Variants in PRCP observed in about 807,000 individuals in gnomAD.
PRCP encodes the protein prolylcarboxypeptidase.
Under a neutral mutation model 54.2 loss-of-function variants are expected in PRCP, and 46 were observed. That is an observed-to-expected ratio of 0.85 (90% confidence interval 0.67 to 1.09). The LOEUF is 1.09. Ranked by LOEUF, PRCP falls within the 50% of genes least tolerant of loss-of-function variation. PRCP has a pLI of 0.00. For missense variants in PRCP, 613 were observed against 596.8 expected, an observed-to-expected ratio of 1.03 and a Z score of -0.28; for synonymous variants, 240 against 212.2, an observed-to-expected ratio of 1.13 and a Z score of -1.14.
intron 1 of PRCP, among the ~76,000 whole-genome samples, chr11:82,881,428 C>T (rs1859745103): frequency 6.6e-6 from 1 of 152,136 alleles, no homozygotes; most frequent in African/African-American, 2.4e-5. Flanking sequence ...ATGCTACAGA[C>T]AGTAAGGACT....
intron 1 of PRCP, among the ~76,000 whole-genome samples, chr11:82,881,914 C>T (rs1161920306): frequency 1.3e-5 from 2 of 152,144 alleles, no homozygotes; most frequent in African/African-American, 4.8e-5. Flanking sequence ...ATAGAACATA[C>T]TATTGACCAG....
intron 1 of PRCP, among the ~76,000 whole-genome samples, chr11:82,891,443 C>A (rs1445234756): frequency 6.6e-6 from 1 of 152,218 alleles, no homozygotes; most frequent in Non-Finnish European, 1.5e-5. Context: ...CAAAGTGTTT[C>A]TTAAGATTTA....
intron 6 of PRCP, among the ~76,000 whole-genome samples, chr11:82,846,407 T>C (rs367980769): frequency 3.3e-5 from 5 of 151,678 alleles, no homozygotes. Context: ...TAGGATGAAA[T>C]TGGAAACAGA....
chr11:82,867,345 A>T (rs1403502820), intron 1 of PRCP, among the ~76,000 whole-genome samples: 1 of 152,090 alleles, frequency 6.6e-6, no homozygotes, highest in East Asian at 1.9e-4. Context: ...GGAATTGCTA[A>T]GTTATCAAAA....
intron 5 of PRCP, among the ~76,000 whole-genome samples, chr11:82,849,528 A>G (rs914718998): frequency 7.2e-5 from 11 of 152,242 alleles, no homozygotes; most frequent in Non-Finnish European, 1.3e-4. Flanking sequence ...TCTATCAAAC[A>G]GTGCTAAGCA....
In PRCP at chr11:82,900,406, T is replaced by A. The variant is rs774477101; in HGVS notation, c.-4A>T. On this transcript the variant is annotated 5_prime_UTR_variant, in exon 1 of 9. Coordinates refer to ENST00000313010, the MANE Select transcript of PRCP (RefSeq NM_005040.4). Reference sequence around the variant, plus strand: ...GCAGGAGGGCTCGGCGGCCCATGGCTCAGGCTGGAGACTGCAGTGCGGGTG... The same window carrying A: ...GCAGGAGGGCTCGGCGGCCCATGGCACAGGCTGGAGACTGCAGTGCGGGTG... 1 of 1,613,022 alleles carries A rather than the reference T, an allele frequency of 6.2e-7. No individual in the cohort carries two copies. Among genetic ancestry groups the A allele is most frequent in the East Asian group, 2.2e-5 (1 of 44,882 alleles).
intron 2 of PRCP, among the ~76,000 whole-genome samples, chr11:82,854,108 T>C (rs746306778): frequency 9.2e-5 from 14 of 152,260 alleles, no homozygotes; most frequent in Non-Finnish European, 1.8e-4. Flanking sequence ...GCAAGCATGC[T>C]CTGTCTCAGC....
intron 8 of PRCP, chr11:82,830,932 C>G (rs1487232204): frequency 2.0e-5 from 3 of 150,672 alleles, no homozygotes; most frequent in East Asian, 1.9e-4. Flanking sequence ...TCTGAAATAG[C>G]CTAGTGGCTT....
At chr11:82,867,329 A>C (rs1859361974) in intron 1 of PRCP, among the ~76,000 whole-genome samples, 1 of 152,236 alleles carries the variant, frequency 6.6e-6, no homozygotes, top group Admixed American at 6.5e-5. Flanking sequence ...TCCTGGGCCC[A>C]GAGGGGGAAT....
chr11:82,900,012 A>G (rs1591080323), intron 1 of PRCP: 2 of 571,008 alleles, frequency 3.5e-6, no homozygotes, highest in Non-Finnish European at 6.1e-6. Context: ...GCCTGAATCA[A>G]GAGTATGCAG....
intron 1 of PRCP, among the ~76,000 whole-genome samples, chr11:82,881,023 T>C (rs1303404199): frequency 6.6e-6 from 1 of 152,214 alleles, no homozygotes; most frequent in Non-Finnish European, 1.5e-5. Flanking sequence ...TGCAACACTT[T>C]ATACTCATAG....
At chr11:82,872,209 C>T (rs1859497622) in intron 1 of PRCP, among the ~76,000 whole-genome samples, 1 of 152,186 alleles carries the variant, frequency 6.6e-6, no homozygotes, top group South Asian at 2.1e-4. Flanking sequence ...CTGGCATCTA[C>T]TGGGGGTCTT....
chr11:82,882,854 A>AACACACACACACAC (rs3222274), intron 1 of PRCP, among the ~76,000 whole-genome samples: 23 of 72,002 alleles, frequency 3.2e-4, no homozygotes, highest in Non-Finnish European at 5.3e-4. Context: ...CTACCTGTGC[A>AACACACACACACAC]ACACACACAC....
chr11:82,853,468 C>T (rs929902775), intron 2 of PRCP, among the ~76,000 whole-genome samples, 190 bp from the exon 3 acceptor site: 1 of 152,190 alleles, frequency 6.6e-6, no homozygotes, highest in South Asian at 2.1e-4. Context: ...CAATCTCACA[C>T]TTTATGAGTG....
In PRCP at chr11:82,849,181, T is replaced by C. The variant is rs1858884262; in HGVS notation, c.789A>G (p.Leu263=). The C allele has an allele frequency of 1.2e-6, 2 of 1,614,086 alleles. No homozygotes were observed. The highest frequency in any genetic ancestry group is 2.2e-5 in the East Asian group (1 of 44,888). Residue 263 remains leucine (L), a synonymous_variant, in exon 6 of 9, where the codon TTA becomes TTG. Coordinates refer to ENST00000313010, the MANE Select transcript of PRCP (RefSeq NM_005040.4). ...GLQWLTGALH[L]CSPLTSQDIQ... ...TGTCCTGAGAAGTTAATGGGCTGCA[T>C]AAGTGAAGGGCTCCAGTAAGCCACT...
intron 1 of PRCP, among the ~76,000 whole-genome samples, chr11:82,877,006 A>G (rs1436287807): frequency 6.6e-6 from 1 of 152,216 alleles, no homozygotes; most frequent in African/African-American, 2.4e-5. Flanking sequence ...GATATGAACA[A>G]CAAGGTCCAG....
intron 6 of PRCP, among the ~76,000 whole-genome samples, chr11:82,842,096 C>T (rs949913255): frequency 2.6e-5 from 4 of 152,146 alleles, no homozygotes; most frequent in African/African-American, 9.7e-5. Context: ...TGGCCCAAAA[C>T]TCTGGAAAAG....
At position 82,849,810 on chromosome 11, in the gene PRCP, C is replaced by T. The variant is rs948360797; in HGVS notation, c.751+104G>A. The T allele has an allele frequency of 1.3e-5, 14 of 1,063,428 alleles. No individual in the cohort carries two copies. In the South Asian group the frequency reaches 1.5e-4, roughly 11 times the overall value. 65.9% of individuals were successfully genotyped at this position (1,063,428 alleles called of 1,614,324 possible). The stretch of plus-strand genomic sequence containing the variant: ...TGATTTGTATAATTTTCTGTATGTA[C>T]ATTATACTTTAACAAAATGTTTACT... On this transcript the variant is annotated intron_variant, in intron 5 of 8. Coordinates refer to ENST00000313010, the MANE Select transcript of PRCP (RefSeq NM_005040.4).
chr11:82,881,656 G>T (rs942202730), intron 1 of PRCP, among the ~76,000 whole-genome samples: 1 of 152,132 alleles, frequency 6.6e-6, no homozygotes, highest in Admixed American at 6.5e-5. Flanking sequence ...GGTACAAACT[G>T]GTAACCCTGG....
Sources: gnomAD v4.1 joint callset for allele counts (sites outside exome capture counted in the v4.1 genomes callset) on GRCh38, gnomAD v4.1.1 for gene constraint, MANE v1.5 for transcripts, NCBI Gene and HGNC (gene_info 2026-07-23, HGNC 2026-07-21) for gene names.